MAGEC3: variants seen among roughly 807,000 people sequenced by gnomAD.
MAGEC3 encodes the protein melanoma-associated antigen C3.
A neutral mutation model predicts 35.3 loss-of-function variants in MAGEC3; 34 were observed. The ratio of observed to expected loss-of-function variants is 0.96; its 90% CI spans 0.73 to 1.28. The LOEUF is 1.28. MAGEC3 is among the 50% of genes most tolerant of loss of function. MAGEC3 has a pLI of 0.00. For missense variants in MAGEC3, 561 were observed against 483.6 expected (o/e 1.16, Z -1.50); for synonymous variants, 202 against 185.6 (o/e 1.09, Z -0.72).
chrX:141,881,054 C>A lies in MAGEC3; in HGVS notation c.516-349C>A, dbSNP rs2017959618. On this transcript the variant is annotated intron_variant, in intron 3 of 7. Coordinates refer to ENST00000298296, the MANE Select transcript of MAGEC3 (RefSeq NM_138702.1). Reference sequence around the variant, plus strand: ...AACCAAACTGTGATAGAGAACTTGGCAGATGCACAGGATTCCACAGAGGAG... The same window carrying A: ...AACCAAACTGTGATAGAGAACTTGGAAGATGCACAGGATTCCACAGAGGAG... Among the ~76,000 whole-genome samples the A allele has an allele frequency of 2.7e-5, 3 of 112,418 alleles. No homozygotes were observed. In the Admixed American group the frequency reaches 2.8e-4, roughly 11 times the overall value.
At position 141,849,453 on chromosome X, in the gene MAGEC3, CCAAA is replaced by C. The variant is rs756994084; in HGVS notation, c.123+11018_123+11021del. Among the ~76,000 whole-genome samples, 478 of 110,394 alleles carry C rather than the reference CCAAA, an allele frequency of 4.3e-3. 2 individuals are homozygous for C. Among genetic ancestry groups the C allele is most frequent in the African/African-American group, 0.015 (450 of 30,556 alleles). ...AGTGGGACCTAATTAAATTAAAGAG[CCAAA>C]CAGAGTAAACAGCCTACAGAATGGG... On this transcript the variant is annotated intron_variant, in intron 1 of 7. Transcript: ENST00000298296.
intron 1 of MAGEC3, among the ~76,000 whole-genome samples, chrX:141,847,972 A>G (rs1173007325): frequency 1.8e-5 from 2 of 111,157 alleles, no homozygotes; most frequent in South Asian, 3.7e-4. Flanking sequence ...CCTAGACTGA[A>G]CAAGAAATTA....
chrX:141,894,381 G>A (rs1005073739), intron 4 of MAGEC3, among the ~76,000 whole-genome samples: 3 of 111,830 alleles, frequency 2.7e-5, no homozygotes, highest in Non-Finnish European at 5.6e-5. Context: ...AAAAGATCAC[G>A]CACAGGCTGC....
At chrX:141,880,794 C>A in intron 3 of MAGEC3, 1 of 1,019,199 alleles carries the variant, frequency 9.8e-7, no homozygotes. Context: ...TGGCAGGTGA[C>A]CCGTGAGGCC....
At chrX:141,879,070 A>G in intron 2 of MAGEC3, 105 bp from the exon 3 acceptor site, 2 of 974,476 alleles carry the variant, frequency 2.1e-6, no homozygotes, top group Non-Finnish European at 2.7e-6. Flanking sequence ...CAGAGGCAGG[A>G]AGGCCAGGCG....
intron 2 of MAGEC3, among the ~76,000 whole-genome samples, chrX:141,866,746 A>G (rs1024546821): frequency 5.3e-5 from 6 of 112,694 alleles, no homozygotes; most frequent in African/African-American, 1.9e-4. Flanking sequence ...TATCTGATAA[A>G]TAAACCAAAT....
intron 1 of MAGEC3, among the ~76,000 whole-genome samples, chrX:141,847,744 G>T (rs994248416): frequency 6.3e-5 from 7 of 110,969 alleles, no homozygotes; most frequent in African/African-American, 2.3e-4. Flanking sequence ...TAGCTATGAT[G>T]CTTATATTAG....
intron 3 of MAGEC3, chrX:141,880,961 C>T (rs1324722890): frequency 5.0e-6 from 3 of 598,130 alleles, no homozygotes; most frequent in Non-Finnish European, 8.4e-6. Context: ...TTACCTCCTG[C>T]TCCTAAGGAA....
chrX:141,890,727 A>G (rs1443328564), intron 4 of MAGEC3, among the ~76,000 whole-genome samples: 5 of 112,375 alleles, frequency 4.4e-5, no homozygotes, highest in Non-Finnish European at 9.4e-5. Flanking sequence ...ATCATAAATT[A>G]TAACAGTTGC....
rs765913910 is a variant in MAGEC3, at chrX:141,895,468, G to T, written c.1049-17G>T. 8.3e-7 allele frequency: 1 copy of T among 1,210,794 alleles called. No individual in the cohort carries two copies. The highest frequency in any genetic ancestry group is 3.0e-5 in the East Asian group (1 of 33,767). ...CCAAGGACAGAAGAAGCCCCGGTCT[G>T]CCCTGCGCTGCCATAGGACTTGCAG... On this transcript the variant is annotated splice_polypyrimidine_tract_variant and intron_variant, in intron 5 of 7. Transcript: ENST00000298296.
chrX:141,877,862 A>G (rs1350008318), intron 2 of MAGEC3, among the ~76,000 whole-genome samples: 1 of 112,310 alleles, frequency 8.9e-6, no homozygotes. Context: ...TCCACACTCA[A>G]TGCCTCCTGT....
intron 1 of MAGEC3, among the ~76,000 whole-genome samples, chrX:141,860,188 A>G (rs942037989): frequency 2.7e-5 from 3 of 111,752 alleles, no homozygotes; most frequent in Admixed American, 9.5e-5. Flanking sequence ...CAGAGGTAGG[A>G]TGTGCTCTGA....
At chrX:141,876,490 A>C (rs1449943483) in intron 2 of MAGEC3, among the ~76,000 whole-genome samples, 1 of 111,664 alleles carries the variant, frequency 9.0e-6, no homozygotes, top group African/African-American at 3.3e-5. Context: ...TTTGACTCTT[A>C]TCTTACTTCT....
At chrX:141,868,781 C>A (rs1422796482) in intron 2 of MAGEC3, among the ~76,000 whole-genome samples, 1 of 110,775 alleles carries the variant, frequency 9.0e-6, no homozygotes, top group African/African-American at 3.3e-5. Flanking sequence ...GGACTGTGTA[C>A]ACAAAATACG....
At chrX:141,888,124 AGGGTCTCCAC>A (rs2018015447) in intron 4 of MAGEC3, among the ~76,000 whole-genome samples, 1 of 112,146 alleles carries the variant, frequency 8.9e-6, no homozygotes, top group South Asian at 3.7e-4. Flanking sequence ...ACAAATGCCC[AGGGTCTCCAC>A]CCCTGCCACC....
chrX:141,893,405 G>C (rs1470803103), intron 4 of MAGEC3, among the ~76,000 whole-genome samples: 1 of 110,941 alleles, frequency 9.0e-6, no homozygotes, highest in Non-Finnish European at 1.9e-5. Flanking sequence ...GTTAGGGTTG[G>C]GGCAAGGGGG....
At chrX:141,855,701 T>A (rs762913302) in intron 1 of MAGEC3, among the ~76,000 whole-genome samples, 7 of 111,979 alleles carry the variant, frequency 6.3e-5, no homozygotes, top group Admixed American at 1.9e-4. Flanking sequence ...ATTAAACTTA[T>A]GCTTTTCATT....
chrX:141,859,986 A>G (rs760980359), intron 1 of MAGEC3, among the ~76,000 whole-genome samples: 8 of 111,948 alleles, frequency 7.1e-5, no homozygotes, highest in Non-Finnish European at 1.3e-4. Context: ...ATCAGGGAGG[A>G]CTGGGAATAT....
chrX:141,863,937 G>C (rs1214436651), intron 1 of MAGEC3, among the ~76,000 whole-genome samples: 1 of 111,325 alleles, frequency 9.0e-6, no homozygotes, highest in East Asian at 2.8e-4. Context: ...TTCCAAAAAA[G>C]GTAAAAAGAT....
Sources: allele counts gnomAD v4.1 joint callset (sites outside exome capture counted in the v4.1 genomes callset), GRCh38; gene constraint gnomAD v4.1.1; transcripts MANE v1.5; gene names NCBI Gene and HGNC (gene_info 2026-07-23, HGNC 2026-07-21).